Variants in ZNF331 observed in about 807,000 individuals in gnomAD.
The protein encoded by ZNF331 is zinc finger protein 331.
ZNF331 carries 2 observed loss-of-function variants against 7.0 expected under a neutral mutation model. That is an observed-to-expected ratio of 0.29 (90% CI 0.12 to 0.90). The LOEUF (loss-of-function observed/expected upper bound fraction) is 0.90, where lower values mean the gene tolerates loss of function less well. Among genes scored for constraint, ZNF331 ranks in the 40% least tolerant of loss-of-function variants. ZNF331 has a pLI of 0.58. For missense variants in ZNF331, 432 were observed against 587.7 expected (o/e 0.74, Z 2.74); for synonymous variants, 196 against 205.4 (o/e 0.95, Z 0.39).
At chr19:53,568,755 CAA>C (rs148955580) in intron 3 of ZNF331, among the ~76,000 whole-genome samples, 35 of 110,926 alleles carry the variant, frequency 3.2e-4, no homozygotes, top group Admixed American at 6.7e-4. Context: ...CTTTGAGGCG[CAA>C]AAAAAAAAAA....
chr19:53,553,924 T>G (rs2089183127), intron 2 of ZNF331, among the ~76,000 whole-genome samples: 2 of 152,186 alleles, frequency 1.3e-5, no homozygotes, highest in African/African-American at 4.8e-5. Flanking sequence ...GGGAGCAAGA[T>G]GGACTCAGTG....
At position 53,578,159 on chromosome 19, in the gene ZNF331, G is replaced by C; in HGVS notation, c.*207G>C. The stretch of plus-strand genomic sequence containing the variant: ...CGGCCGGGGATGTGAGTCATCCCTT[G>C]GTCCAGCACATCCACGCTGTATACG... On this transcript the variant is annotated 3_prime_UTR_variant, in exon 6 of 6. Transcript: ENST00000449416. The C allele has an allele frequency of 1.6e-6, 1 of 625,652 alleles. No individual in the cohort carries two copies. Among genetic ancestry groups the C allele is most frequent in the Non-Finnish European group, 2.7e-6 (1 of 375,458 alleles). The allele number at this position is 625,652 out of a possible 1,614,324, so 38.8% of individuals were successfully genotyped here.
In ZNF331 at chr19:53,551,640, A is replaced by G. The variant is rs115963277; in HGVS notation, c.-137-4205A>G. ...CATCTGTGGATTCAGCCACAGATCA[A>G]AAATATCCTTGGGAAAAAAAATAGG... On this transcript the variant is annotated intron_variant, in intron 2 of 5. Transcript: ENST00000449416. Among the ~76,000 whole-genome samples, 533 of 152,348 alleles carry G rather than the reference A, an allele frequency of 3.5e-3. 4 individuals are homozygous for G. The highest frequency in any genetic ancestry group is 0.012 in the African/African-American group (516 of 41,590).
At chr19:53,564,482 G>C (rs1284761652) in intron 3 of ZNF331, among the ~76,000 whole-genome samples, 1 of 151,704 alleles carries the variant, frequency 6.6e-6, no homozygotes, top group Non-Finnish European at 1.5e-5. Context: ...GTTTTGCTAT[G>C]TTGGCCAGGC....
the ZNF331 span, among the ~76,000 whole-genome samples, chr19:53,511,426 T>G: frequency 2.6e-5 from 4 of 152,176 alleles, no homozygotes; most frequent in East Asian, 7.7e-4. Context: ...TAATATCCTA[T>G]AGTAAAACAG....
chr19:53,548,566 A>G lies in ZNF331; in HGVS notation c.-137-7279A>G, dbSNP rs760261083. Among the ~76,000 whole-genome samples the G allele has an allele frequency of 4.2e-4, 64 of 152,280 alleles. No homozygotes were observed. The Middle Eastern group carries it at 0.017, about 40-fold the overall frequency. On this transcript the variant is annotated intron_variant, in intron 2 of 5. Transcript: ENST00000449416. ...GCCACCATGCCAAGCCCTATTTTGG[A>G]TATTAACCCCTTATCAGATATATGG...
At chr19:53,530,848 G>A (rs2087511023) in intron 2 of ZNF331, among the ~76,000 whole-genome samples, 1 of 152,210 alleles carries the variant, frequency 6.6e-6, no homozygotes, top group African/African-American at 2.4e-5. Flanking sequence ...TGCCAGCTCT[G>A]TCCCCATAAT....
chr19:53,563,213 A>G (rs1481358002), intron 3 of ZNF331, among the ~76,000 whole-genome samples: 1 of 147,392 alleles, frequency 6.8e-6, no homozygotes, highest in Non-Finnish European at 1.5e-5. Flanking sequence ...TCAGCCTCCC[A>G]AGAAGCTGGT....
At chr19:53,541,047 C>A (rs936839625) in intron 2 of ZNF331, among the ~76,000 whole-genome samples, 1 of 152,090 alleles carries the variant, frequency 6.6e-6, no homozygotes, top group Non-Finnish European at 1.5e-5. Context: ...ATCATAGGTG[C>A]CAGCATTACC....
intron 2 of ZNF331, among the ~76,000 whole-genome samples, chr19:53,552,504 G>A (rs2089072722): frequency 6.6e-6 from 1 of 151,858 alleles, no homozygotes; most frequent in Non-Finnish European, 1.5e-5. Flanking sequence ...GATTGCTTGA[G>A]CTCAGGAGAT....
rs1267001536 is a variant in ZNF331 at position 53,560,196 on chromosome 19, TAC to T, written c.-74+4295_-74+4296del. Among the ~76,000 whole-genome samples, 5 of 150,322 alleles carry T rather than the reference TAC, an allele frequency of 3.3e-5. No individual in the cohort carries two copies. In the East Asian group the frequency reaches 5.9e-4, roughly 18 times the overall value. On this transcript the variant is annotated intron_variant, in intron 3 of 5. Transcript: ENST00000449416. This position sits in a 1 kb window ranked among gnomAD's most constrained non-coding sequence, Gnocchi z 4.3. ...TACACACACCATACACACACATATA[TAC>T]ACACACCATATATATACACACATAT...
chr19:53,518,484 C>T (rs1007547918), upstream of ZNF331, among the ~76,000 whole-genome samples: 1 of 152,096 alleles, frequency 6.6e-6, no homozygotes, highest in Non-Finnish European at 1.5e-5. Context: ...TTCCTATAGA[C>T]ATATATCCTA....
At chr19:53,547,844 C>T (rs1600316792) in intron 2 of ZNF331, among the ~76,000 whole-genome samples, 1 of 152,106 alleles carries the variant, frequency 6.6e-6, no homozygotes, top group Non-Finnish European at 1.5e-5. Flanking sequence ...AATGGCTGTT[C>T]AAGTTTTCTG....
upstream of ZNF331, among the ~76,000 whole-genome samples, chr19:53,515,859 G>T (rs1379942064): frequency 6.6e-6 from 1 of 152,098 alleles, no homozygotes; most frequent in Non-Finnish European, 1.5e-5. Context: ...GTTCACCACA[G>T]TATTATTTGC....
At chr19:53,554,523 C>G (rs11666642) in intron 2 of ZNF331, 23,174 of 152,212 alleles carry the variant, frequency 0.15, 2,243 homozygotes, top group Non-Finnish European at 0.2. Context: ...CCATGGGTGG[C>G]GGGACCGACT....
upstream of ZNF331, among the ~76,000 whole-genome samples, chr19:53,516,364 C>A (rs562129019): frequency 4.2e-4 from 63 of 150,922 alleles, no homozygotes; most frequent in African/African-American, 1.5e-3. Context: ...GCAGGAGAAT[C>A]ATTTGAACCC....
the ZNF331 span, among the ~76,000 whole-genome samples, chr19:53,508,749 C>A: frequency 3.9e-5 from 6 of 152,170 alleles, no homozygotes; most frequent in Non-Finnish European, 7.4e-5. Flanking sequence ...GGCAGCCCAG[C>A]TAAAAGCGAG....
At chr19:53,529,621 A>G (rs2087452982) in intron 2 of ZNF331, among the ~76,000 whole-genome samples, 1 of 152,184 alleles carries the variant, frequency 6.6e-6, no homozygotes, top group Admixed American at 6.5e-5. Context: ...AATTCCCTGA[A>G]TATTCTTGCA....
Position 53,556,407 on chromosome 19 carries a change from C to T in ZNF331, c.-74+499C>T, listed in dbSNP as rs144983726. Among the ~76,000 whole-genome samples the T allele has an allele frequency of 4.6e-3, 706 of 152,126 alleles. 6 individuals are homozygous for T. The highest frequency in any genetic ancestry group is 0.016 in the African/African-American group (678 of 41,508). On this transcript the variant is annotated intron_variant, in intron 3 of 5. Transcript: ENST00000449416. The stretch of plus-strand genomic sequence containing the variant: ...TGTCTCTTGTCTATTTTGCACACAC[C>T]TCTTAATTCTTGTCTTAGTTGATTC...
Sources: gnomAD v4.1 joint callset for allele counts (sites outside exome capture counted in the v4.1 genomes callset) on GRCh38, gnomAD v4.1.1 for gene constraint, Gnocchi (gnomAD v3.1) non-coding constraint, MANE v1.5 for transcripts, NCBI Gene and HGNC (gene_info 2026-07-23, HGNC 2026-07-21) for gene names.